The following GPD2 variants were observed in gnomAD, a reference collection of about 807,000 sequenced individuals.
GPD2 encodes glycerol-3-phosphate dehydrogenase 2.
A neutral mutation model predicts 82.4 loss-of-function variants in GPD2; 54 were observed. The ratio of observed to expected loss-of-function variants is 0.66; its 90% CI spans 0.53 to 0.82. The LOEUF (loss-of-function observed/expected upper bound fraction) is 0.82, where lower values mean the gene tolerates loss of function less well. GPD2 is among the 40% of genes least tolerant of loss of function. GPD2 has a pLI of 0.00. For missense variants in GPD2, 748 were observed against 896.2 expected (o/e 0.83, Z 2.11); for synonymous variants, 288 against 306.1 (o/e 0.94, Z 0.62).
chr2:156,472,309 C>G (rs2105194890), intron 1 of GPD2, among the ~76,000 whole-genome samples: 1 of 152,038 alleles, frequency 6.6e-6, no homozygotes, highest in Non-Finnish European at 1.5e-5. Context: ...AGCATTAAAA[C>G]AAAGTTCTTT....
At chr2:156,425,280 T>C in the GPD2 span, among the ~76,000 whole-genome samples, 1 of 152,210 alleles carries the variant, frequency 6.6e-6, no homozygotes, top group South Asian at 2.1e-4. Flanking sequence ...TTTATTTTAC[T>C]TTTTGTAGAG....
At chr2:156,400,838 C>T in the GPD2 span, among the ~76,000 whole-genome samples, 1 of 152,162 alleles carries the variant, frequency 6.6e-6, no homozygotes, top group Admixed American at 6.5e-5. Context: ...CCCGGCATCT[C>T]CAAATCAGCC....
At chr2:156,484,259 C>G (rs566131861) in intron 2 of GPD2, among the ~76,000 whole-genome samples, 22 of 152,134 alleles carry the variant, frequency 1.4e-4, no homozygotes, top group African/African-American at 5.1e-4. Context: ...CCTCAGCCCC[C>G]CAACTAGCTG....
upstream of GPD2, among the ~76,000 whole-genome samples, chr2:156,431,772 G>A (rs1190855710): frequency 6.6e-6 from 1 of 151,508 alleles, no homozygotes; most frequent in Non-Finnish European, 1.5e-5. Flanking sequence ...AAAGTGTTAT[G>A]TATTAGGCTA....
chr2:156,483,702 A>G (rs185790424), intron 2 of GPD2, among the ~76,000 whole-genome samples: 1 of 152,340 alleles, frequency 6.6e-6, no homozygotes, highest in African/African-American at 2.4e-5. Context: ...TTAGGAAACA[A>G]TTTAATCTTG....
intron 2 of GPD2, among the ~76,000 whole-genome samples, chr2:156,486,904 G>T (rs919639860): frequency 6.6e-6 from 1 of 152,184 alleles, no homozygotes; most frequent in Non-Finnish European, 1.5e-5. Flanking sequence ...CTTGGAACCG[G>T]CTGGTTGGCT....
rs563441761 is a variant in GPD2, at chr2:156,537,062, A to G, written c.662-12546A>G. Among the ~76,000 whole-genome samples, 3 of 152,324 alleles carry G rather than the reference A, an allele frequency of 2.0e-5. No homozygotes were observed. In the East Asian group the frequency reaches 5.8e-4, roughly 29 times the overall value. On this transcript the variant is annotated intron_variant, in intron 6 of 16. Transcript: ENST00000438166. ...TAGGAGCACAGAGTGAGAACCAGAT[A>G]TTGGGGCAGGAACTCTTCTGTTTGA...
intron 6 of GPD2, among the ~76,000 whole-genome samples, chr2:156,517,022 CTAAT>C (rs1685224495): frequency 6.6e-6 from 1 of 152,218 alleles, no homozygotes; most frequent in Non-Finnish European, 1.5e-5. Context: ...ACAGTTCATC[CTAAT>C]TAAATTCTGG....
upstream of GPD2, among the ~76,000 whole-genome samples, chr2:156,431,109 C>A (rs1688310801): frequency 6.6e-6 from 1 of 152,166 alleles, no homozygotes; most frequent in Admixed American, 6.5e-5. Flanking sequence ...GGATGAAAAC[C>A]CATGACTGTC....
At chr2:156,496,327 C>G (rs894298821) in intron 3 of GPD2, 112 bp downstream of exon 3, 26 of 719,284 alleles carry the variant, frequency 3.6e-5, no homozygotes, top group Middle Eastern at 3.8e-4. Flanking sequence ...CACCTATCAA[C>G]CCATCACCTA....
At chr2:156,400,618 G>C in the GPD2 span, among the ~76,000 whole-genome samples, 2 of 152,240 alleles carry the variant, frequency 1.3e-5, no homozygotes, top group Admixed American at 1.3e-4. Context: ...ATGCACAGTG[G>C]AAACAACTTA....
At chr2:156,475,778 T>C (rs960598700) in intron 1 of GPD2, among the ~76,000 whole-genome samples, 1 of 152,224 alleles carries the variant, frequency 6.6e-6, no homozygotes, top group Non-Finnish European at 1.5e-5. Flanking sequence ...TTTTGTTAAA[T>C]ACCCAATGAC....
At chr2:156,524,667 T>C (rs1685539447) in intron 6 of GPD2, among the ~76,000 whole-genome samples, 1 of 152,132 alleles carries the variant, frequency 6.6e-6, no homozygotes, top group Non-Finnish European at 1.5e-5. Flanking sequence ...ACAGTGTCAC[T>C]TTCACCACAT....
intron 2 of GPD2, chr2:156,495,781 C>A: frequency 2.2e-6 from 1 of 456,782 alleles, no homozygotes; most frequent in Middle Eastern, 3.6e-4. Flanking sequence ...TTGAACTTGG[C>A]TGTATATGAA....
chr2:156,535,200 CAG>C (rs1476217180), intron 6 of GPD2, among the ~76,000 whole-genome samples: 1 of 151,700 alleles, frequency 6.6e-6, no homozygotes, highest in Non-Finnish European at 1.5e-5. Flanking sequence ...TACAGGTACT[CAG>C]GGTGCAGAAA....
intron 6 of GPD2, among the ~76,000 whole-genome samples, chr2:156,528,266 G>GT (rs1379334099): frequency 6.6e-6 from 1 of 151,836 alleles, no homozygotes; most frequent in Non-Finnish European, 1.5e-5. Context: ...ATTGATATGT[G>GT]TATTTTTGCC....
At chr2:156,436,177 G>T (rs1190186578), upstream of GPD2, among the ~76,000 whole-genome samples, 1 of 152,240 alleles carries the variant, frequency 6.6e-6, no homozygotes, top group Non-Finnish European at 1.5e-5. Flanking sequence ...CCCCGGCCCC[G>T]GTTCCCGCCC....
At chr2:156,503,935 A>G (rs74597300) in intron 3 of GPD2, among the ~76,000 whole-genome samples, 2,748 of 152,224 alleles carry the variant, frequency 0.018, 92 homozygotes, top group African/African-American at 0.062. Context: ...AATAAAACGC[A>G]ACAGCAGCAA....
At chr2:156,547,690 A>G (rs1325847647) in intron 6 of GPD2, among the ~76,000 whole-genome samples, 1 of 152,212 alleles carries the variant, frequency 6.6e-6, no homozygotes, top group Non-Finnish European at 1.5e-5. Flanking sequence ...TAATTAGGGA[A>G]CATTTGTTAG....
Sources: gnomAD v4.1 joint callset for allele counts (sites outside exome capture counted in the v4.1 genomes callset) on GRCh38, gnomAD v4.1.1 for gene constraint, MANE v1.5 for transcripts, NCBI Gene and HGNC (gene_info 2026-07-23, HGNC 2026-07-21) for gene names.